TENT2: variants seen among roughly 807,000 people sequenced by gnomAD.
TENT2 encodes the protein terminal nucleotidyltransferase 2, also known as poly(A) RNA polymerase GLD2.
A neutral mutation model predicts 72.2 loss-of-function variants in TENT2; 44 were observed. The ratio of observed to expected loss-of-function variants is 0.61; its 90% confidence interval spans 0.48 to 0.78. The LOEUF is 0.78. TENT2 is among the 30% of genes least tolerant of loss of function. TENT2 has a pLI of 0.00. For synonymous variants in TENT2, 212 were observed against 192.5 expected, an observed-to-expected ratio of 1.10 and a Z score of -0.84; for missense variants, 541 against 569.6, an observed-to-expected ratio of 0.95 and a Z score of 0.51.
intron 4 of TENT2, among the ~76,000 whole-genome samples, chr5:79,625,858 C>A (rs558665086): frequency 2.1e-4 from 32 of 150,946 alleles, no homozygotes; most frequent in African/African-American, 7.1e-4. Context: ...GATATAGAGT[C>A]TAGCTCTGCC....
At chr5:79,633,065 G>A (rs1296848537) in intron 4 of TENT2, among the ~76,000 whole-genome samples, 1 of 152,130 alleles carries the variant, frequency 6.6e-6, no homozygotes, top group Non-Finnish European at 1.5e-5. Context: ...GAAGTGGGTT[G>A]TTTTAGGCAT....
At position 79,619,655 on chromosome 5, in the gene TENT2, C is replaced by G; in HGVS notation, c.7C>G (p.Pro3Ala). ...ACTTCCAGTGAACAAGAGCATGTTCCCAAACTCAATTTTGGGTCGCCCACC... is the reference window on the plus strand; with the variant it reads ...ACTTCCAGTGAACAAGAGCATGTTCGCAAACTCAATTTTGGGTCGCCCACC... Reference protein sequence around the residue: MFPNSILGRPPFT... With the variant: MFANSILGRPPFT... The change falls in exon 2 of 15, where the codon CCA becomes GCA. Residue 3 changes from proline to alanine, a missense_variant. Pro to Ala is a conservative substitution (Grantham distance 27, BLOSUM62 -1). Coordinates refer to ENST00000453514, the MANE Select transcript of TENT2 (RefSeq NM_001114394.3). 6.2e-7 allele frequency: 1 copy of G among 1,613,052 alleles called. No individual in the cohort carries two copies. Among genetic ancestry groups the G allele is most frequent in the Middle Eastern group, 1.7e-4 (1 of 6,054 alleles).
Position 79,685,220 on chromosome 5 carries a change from A to G in TENT2, c.1402A>G (p.Lys468Glu). ...FLKSWHRLKN[K>E]RDLNSILPVR... ...CCAGTCATGGCACAGATTGAAAAAC[A>G]AGAGAGATTTGAACAGTATACTACC... The change falls in exon 15 of 15, where the codon AAG becomes GAG. Residue 468 changes from lysine (K) to glutamate (E), a missense_variant. By Grantham distance (56) the Lys-to-Glu change is moderately conservative. Coordinates refer to ENST00000453514, the MANE Select transcript of TENT2 (RefSeq NM_001114394.3). 2 of 1,607,884 alleles carry G rather than the reference A, an allele frequency of 1.2e-6. No homozygotes were observed. The highest frequency in any genetic ancestry group is 1.7e-6 in the Non-Finnish European group (2 of 1,178,396).
At chr5:79,642,981 T>C in intron 7 of TENT2, 71 bp downstream of exon 7, 2 of 1,567,948 alleles carry the variant, frequency 1.3e-6, no homozygotes, top group South Asian at 1.2e-5. Flanking sequence ...TTACATTATC[T>C]TCTGGTAAGA....
intron 10 of TENT2, among the ~76,000 whole-genome samples, chr5:79,654,093 C>T (rs1452495095): frequency 3.3e-5 from 5 of 152,088 alleles, no homozygotes; most frequent in Admixed American, 1.3e-4. Flanking sequence ...CTCATCAAAG[C>T]ATGAGGGGGA....
intron 11 of TENT2, among the ~76,000 whole-genome samples, chr5:79,668,189 C>G (rs533782434): frequency 1.4e-4 from 22 of 152,130 alleles, no homozygotes; most frequent in Non-Finnish European, 2.9e-4. Flanking sequence ...AGTATTCTTT[C>G]TAATAGGCGT....
chr5:79,679,609 A>C lies in TENT2; in HGVS notation c.1239A>C (p.Glu413Asp). Residue 413 changes from glutamate (E) to aspartate (D), a missense_variant, in exon 13 of 15, where the codon GAA (glutamate) becomes GAC (aspartate). Physicochemically the swap from Glu to Asp is conservative, Grantham distance 45. Coordinates refer to ENST00000453514, the MANE Select transcript of TENT2 (RefSeq NM_001114394.3). ...ATAGTCAAATGATTTCAGTTCGTGAAGCCAAAGCCATTCCAAGGCCTGATG... is the reference window on the plus strand; with the variant it reads ...ATAGTCAAATGATTTCAGTTCGTGACGCCAAAGCCATTCCAAGGCCTGATG... ...DWNSQMISVR[E>D]AKAIPRPDGI... The C allele has an allele frequency of 6.2e-7, 1 of 1,602,118 alleles. No homozygotes were observed. The highest frequency in any genetic ancestry group is 8.5e-7 in the Non-Finnish European group (1 of 1,173,372).
rs1357168318 is a variant in TENT2, at chr5:79,686,014, A to G, written c.*741A>G. The G allele has an allele frequency of 2.0e-5, 3 of 152,590 alleles. No individual in the cohort carries two copies. Among genetic ancestry groups the G allele is most frequent in the Admixed American group, 6.5e-5 (1 of 15,272 alleles). 9.5% of individuals were successfully genotyped at this position (152,590 alleles called of 1,614,324 possible). ...AATCAGTTCAGTGTAGACATTTTGA[A>G]AAGATTGTTTCCTGTGCTTTACGAT... On this transcript the variant is annotated 3_prime_UTR_variant, in exon 15 of 15. Coordinates refer to ENST00000453514, the MANE Select transcript of TENT2 (RefSeq NM_001114394.3).
intron 4 of TENT2, among the ~76,000 whole-genome samples, chr5:79,625,254 G>A (rs906165761): frequency 1.3e-5 from 2 of 152,078 alleles, no homozygotes. Context: ...TGGACTGTTT[G>A]TCTTTTTACT....
chr5:79,683,985 A>G (rs898998634), intron 14 of TENT2, among the ~76,000 whole-genome samples: 2 of 150,154 alleles, frequency 1.3e-5, no homozygotes, highest in South Asian at 4.2e-4. Flanking sequence ...AATATTCAAG[A>G]GAGAATATTT....
chr5:79,665,172 T>A (rs1806456889), intron 11 of TENT2, among the ~76,000 whole-genome samples: 1 of 152,218 alleles, frequency 6.6e-6, no homozygotes, highest in South Asian at 2.1e-4. Flanking sequence ...AAGTATTCCC[T>A]ATCAGTTTTT....
At chr5:79,619,931 A>T in intron 2 of TENT2, 63 bp from the exon 3 acceptor site, 1 of 1,450,442 alleles carries the variant, frequency 6.9e-7, no homozygotes, top group Non-Finnish European at 9.4e-7. Context: ...TTTTTCAGAG[A>T]CTGGTTTTGT....
chr5:79,641,106 A>C lies in TENT2; in HGVS notation c.582A>C (p.Gln194His). The C allele has an allele frequency of 6.4e-7, 1 of 1,572,128 alleles. No homozygotes were observed. The highest frequency in any genetic ancestry group is 8.6e-7 in the Non-Finnish European group (1 of 1,167,990). Residue 194 changes from glutamine (Q) to histidine (H), a missense_variant and splice_region_variant, in exon 6 of 15, where the codon CAA becomes CAC. Physicochemically the swap from Gln to His is conservative, Grantham distance 24. Transcript: ENST00000453514. ...TATTACTTTCTTCTGTTTCTTTAGA[A>C]AGCAGACTTTTTTTGGTTGGGTCCT... ...LQREIQLLFP[Q>H]SRLFLVGSSL... is the part of the protein sequence containing the mutation.
chr5:79,653,252 A>T (rs1230974839), intron 10 of TENT2, among the ~76,000 whole-genome samples: 1 of 152,174 alleles, frequency 6.6e-6, no homozygotes, highest in Non-Finnish European at 1.5e-5. Context: ...TGGGAGGCAG[A>T]GGTGGGAGGA....
At chr5:79,636,833 T>C (rs976454078) in intron 4 of TENT2, among the ~76,000 whole-genome samples, 1 of 152,212 alleles carries the variant, frequency 6.6e-6, no homozygotes, top group East Asian at 1.9e-4. Context: ...TCTAAATATT[T>C]CATGCTTTTT....
Position 79,649,076 on chromosome 5 carries a change from C to T in TENT2, c.913C>T (p.Arg305Cys), listed in dbSNP as rs376003386. The T allele has an allele frequency of 5.6e-6, 9 of 1,612,916 alleles. No individual in the cohort carries two copies. Among genetic ancestry groups the T allele is most frequent in the Admixed American group, 1.7e-5 (1 of 59,826 alleles). The change falls in exon 10 of 15, where the codon CGT becomes TGT. Residue 305 changes from arginine (R) to cysteine (C), a missense_variant. By Grantham distance (180) the Arg-to-Cys change is radical. Transcript: ENST00000453514. ...TTTACTTTCAGTTGAAAATCGAGTTCGTCCGTTAGTGCTGGTGATTAAGAA... is the reference window on the plus strand; with the variant it reads ...TTTACTTTCAGTTGAAAATCGAGTTTGTCCGTTAGTGCTGGTGATTAAGAA... Reference protein sequence around the residue: ...RTYAYLENRVRPLVLVIKKWA... With the variant: ...RTYAYLENRVCPLVLVIKKWA...
chr5:79,659,553 A>AGT (rs1311221056), intron 11 of TENT2, among the ~76,000 whole-genome samples: 2 of 26,858 alleles, frequency 7.4e-5, no homozygotes, highest in African/African-American at 5.0e-4. Context: ...AAAAAAAAAA[A>AGT]ATGTATATAT....
At chr5:79,664,974 A>G (rs1005647585) in intron 11 of TENT2, among the ~76,000 whole-genome samples, 4 of 152,178 alleles carry the variant, frequency 2.6e-5, no homozygotes, top group Admixed American at 2.0e-4. Flanking sequence ...TAGTACCTCT[A>G]CTTTATGTTA....
intron 14 of TENT2, among the ~76,000 whole-genome samples, chr5:79,683,356 A>C: frequency 6.7e-6 from 1 of 149,930 alleles, no homozygotes; most frequent in African/African-American, 2.5e-5. Flanking sequence ...ACCTCACCTC[A>C]CCCCACCCCT....
Sources: gnomAD v4.1 joint callset for allele counts (sites outside exome capture counted in the v4.1 genomes callset) on GRCh38, gnomAD v4.1.1 for gene constraint, MANE v1.5 for transcripts, NCBI Gene and HGNC (gene_info 2026-07-23, HGNC 2026-07-21) for gene names.